The following ZNF205 variants were observed in gnomAD, a reference collection of about 807,000 sequenced individuals.
The protein encoded by ZNF205 is transcriptional repressor RHIT.
Under a neutral mutation model 53.6 loss-of-function variants are expected in ZNF205, and 32 were observed. The observed-to-expected ratio is 0.60, with a 90% confidence interval of 0.45 to 0.80. ZNF205 has a LOEUF of 0.80. Ranked by LOEUF, ZNF205 falls within the 30% of genes least tolerant of loss-of-function variation. ZNF205 has a pLI of 0.00. For missense variants in ZNF205, 836 were observed against 782.4 expected (o/e 1.07, Z -0.82); for synonymous variants, 382 against 334.3 (o/e 1.14, Z -1.56).
rs867488480 is a variant in ZNF205 at position 3,115,401 on chromosome 16, G to A, written c.104G>A (p.Gly35Glu). The A allele has an allele frequency of 5.0e-6, 8 of 1,609,770 alleles. No homozygotes were observed. In the Middle Eastern group the frequency reaches 4.9e-4, roughly 100 times the overall value. ...CATCAGGAAATGCCTTCTAAGCTGGGGGAGGCGGTACCTTCAGGGGACACT... is the reference window on the plus strand; with the variant it reads ...CATCAGGAAATGCCTTCTAAGCTGGAGGAGGCGGTACCTTCAGGGGACACT... ...HPHQEMPSKL[G>E]EAVPSGDTQE... The change falls in exon 3 of 7, where the codon GGG becomes GAG. Residue 35 changes from glycine (G) to glutamate (E), a missense_variant. Gly to Glu is a moderately conservative substitution (Grantham distance 98). Transcript: ENST00000219091.
Position 3,115,584 on chromosome 16 carries a change from G to A in ZNF205, c.271+16G>A, listed in dbSNP as rs751302854. 43 of 1,573,824 alleles carry A rather than the reference G, an allele frequency of 2.7e-5. 1 individual carries two copies. Among genetic ancestry groups the A allele is most frequent in the Non-Finnish European group, 3.5e-5 (41 of 1,164,218 alleles). ...CCTGGCGGAGGTAGGAGAGGGACGG[G>A]GAAGAGGCGCTTTCCCAGGGAGGCA... On this transcript the variant is annotated intron_variant, in intron 3 of 6. Coordinates refer to ENST00000219091, the MANE Select transcript of ZNF205 (RefSeq NM_001042428.2).
At position 3,119,640 on chromosome 16, in the gene ZNF205, G is replaced by GGC; in HGVS notation, c.983_984dup (p.Thr329AlafsTer52). ...TGGCACTCGCACCTGGTGACGCACCGGCGCACGCACACGGGCGAGAAGCCC... is the reference window on the plus strand; with the variant it reads ...TGGCACTCGCACCTGGTGACGCACCGGCGCGCACGCACACGGGCGAGAAGCCC... On this transcript the variant is annotated frameshift_variant, in exon 7 of 7. Coordinates refer to ENST00000219091, the MANE Select transcript of ZNF205 (RefSeq NM_001042428.2). LOFTEE classifies it high-confidence loss of function. 1 of 1,611,612 alleles carries GGC rather than the reference G, an allele frequency of 6.2e-7. No homozygotes were observed. The highest frequency in any genetic ancestry group is 8.5e-7 in the Non-Finnish European group (1 of 1,179,294).
At position 3,120,256 on chromosome 16, in the gene ZNF205, C is replaced by T. The variant is rs1157968765; in HGVS notation, c.1596C>T (p.Ala532=). Residue 532 remains alanine (A), a synonymous_variant, in exon 7 of 7, where the codon GCC becomes GCT. Coordinates refer to ENST00000219091, the MANE Select transcript of ZNF205 (RefSeq NM_001042428.2). ...AGATCCACACCACCGGGCCCAAGGCCCTGGCCATGCTGATGCTGGGGGCGG... is the reference window on the plus strand; with the variant it reads ...AGATCCACACCACCGGGCCCAAGGCTCTGGCCATGCTGATGCTGGGGGCGG... ...HEKIHTTGPK[A]LAMLMLGAAA... 2 of 1,604,872 alleles carry T rather than the reference C, an allele frequency of 1.2e-6. No individual in the cohort carries two copies. Among genetic ancestry groups the T allele is most frequent in the Admixed American group, 1.7e-5 (1 of 59,930 alleles).
chr16:3,113,263 C>A (rs1215564753), intron 1 of ZNF205, 154 bp from the exon 2 acceptor site: 2 of 649,908 alleles, frequency 3.1e-6, no homozygotes, highest in Non-Finnish European at 5.5e-6. Context: ...CCGATTGGGA[C>A]CAGGGAGCGC....
intron 2 of ZNF205, chr16:3,114,955 A>G (rs1957319506): frequency 6.3e-6 from 1 of 158,964 alleles, no homozygotes; most frequent in Non-Finnish European, 1.4e-5. Context: ...TAATCTCAAG[A>G]TCTTTAACTT....
chr16:3,118,226 G>A (rs1369156120), intron 5 of ZNF205, among the ~76,000 whole-genome samples: 1 of 151,782 alleles, frequency 6.6e-6, no homozygotes, highest in East Asian at 1.9e-4. Context: ...TGGCATCATG[G>A]TGGTCCCAAG....
Position 3,120,356 on chromosome 16 carries a change from G to C in ZNF205, c.*31G>C. On this transcript the variant is annotated 3_prime_UTR_variant, in exon 7 of 7. Coordinates refer to ENST00000219091, the MANE Select transcript of ZNF205 (RefSeq NM_001042428.2). ...CAGGAAAGGGGGAGCGGGGCGCCCA[G>C]GGCCACTGGAACAGCCCCACTGGAG... is the stretch of plus-strand genomic sequence containing the variant. The C allele has an allele frequency of 6.8e-7, 1 of 1,470,916 alleles. No individual in the cohort carries two copies. The highest frequency in any genetic ancestry group is 8.9e-7 in the Non-Finnish European group (1 of 1,120,274). 91.1% of individuals were successfully genotyped at this position (1,470,916 alleles called of 1,614,324 possible). A position where few individuals can be genotyped will look rare whatever the true frequency, so the allele number is the denominator to read the frequency against.
chr16:3,120,263 A>G lies in ZNF205; in HGVS notation c.1603A>G (p.Met535Val), dbSNP rs1957410339. The G allele has an allele frequency of 4.4e-6, 7 of 1,603,328 alleles. No homozygotes were observed. The highest frequency in any genetic ancestry group is 1.3e-5 in the African/African-American group (1 of 74,884). The change falls in exon 7 of 7, where the codon ATG becomes GTG. Residue 535 changes from methionine to valine, a missense_variant. Coordinates refer to ENST00000219091, the MANE Select transcript of ZNF205 (RefSeq NM_001042428.2). ...IHTTGPKALA[M>V]LMLGAAAAGA... The stretch of plus-strand genomic sequence containing the variant: ...CACCACCGGGCCCAAGGCCCTGGCC[A>G]TGCTGATGCTGGGGGCGGCGGCGGC...
intron 5 of ZNF205, 83 bp downstream of exon 5, chr16:3,116,630 C>G (rs1005037884): frequency 2.0e-5 from 31 of 1,520,354 alleles, no homozygotes; most frequent in Non-Finnish European, 2.8e-5. Context: ...TTCCCTCCCT[C>G]TCTCTCCCAC....
chr16:3,119,367 C>G lies in ZNF205; in HGVS notation c.707C>G (p.Ala236Gly), dbSNP rs1401134840. Residue 236 changes from alanine to glycine, a missense_variant, in exon 7 of 7, where the codon GCG (alanine) becomes GGG (glycine). Physicochemically the swap from Ala to Gly is moderately conservative, Grantham distance 60. Transcript: ENST00000219091. The part of the protein sequence containing the change: ...GRVQWGVPQC[A>G]QEAACGRSSG... Reference sequence around the variant, plus strand: ...GTCCAGTGGGGCGTCCCGCAGTGCGCGCAGGAAGCAGCCTGCGGCCGGAGC... The same window carrying G: ...GTCCAGTGGGGCGTCCCGCAGTGCGGGCAGGAAGCAGCCTGCGGCCGGAGC... The G allele has an allele frequency of 6.2e-7, 1 of 1,612,536 alleles. No homozygotes were observed. Among genetic ancestry groups the G allele is most frequent in the South Asian group, 1.1e-5 (1 of 91,060 alleles).
At position 3,120,054 on chromosome 16, in the gene ZNF205, C is replaced by T. The variant is rs746491530; in HGVS notation, c.1394C>T (p.Ala465Val). ...TTCAGCCAGCGTTCCAACCTCATCG[C>T]GCACAACCGCACACACACAGGCGAG... ...KCFSQRSNLI[A>V]HNRTHTGEKP... The change falls in exon 7 of 7, where the codon GCG becomes GTG. Residue 465 changes from alanine to valine, a missense_variant. Physicochemically the swap from Ala to Val is moderately conservative, Grantham distance 64. Coordinates refer to ENST00000219091, the MANE Select transcript of ZNF205 (RefSeq NM_001042428.2). 3 of 1,612,926 alleles carry T rather than the reference C, an allele frequency of 1.9e-6. No individual in the cohort carries two copies. The highest frequency in any genetic ancestry group is 2.2e-5 in the East Asian group (1 of 44,792).
At chr16:3,117,185 G>A (rs191164121) in intron 5 of ZNF205, among the ~76,000 whole-genome samples, 7 of 152,310 alleles carry the variant, frequency 4.6e-5, no homozygotes, top group Admixed American at 1.3e-4. Flanking sequence ...CAGGAAGTCC[G>A]CTTTTCCTGG....
At chr16:3,116,572 C>G (rs751054387) in intron 5 of ZNF205, 25 bp downstream of exon 5, 2 of 1,609,828 alleles carry the variant, frequency 1.2e-6, no homozygotes, top group Non-Finnish European at 1.7e-6. Context: ...GGAGGGGGGA[C>G]TGGGGTGTTA....
chr16:3,114,592 T>C (rs1224000479), intron 2 of ZNF205, among the ~76,000 whole-genome samples: 1 of 152,210 alleles, frequency 6.6e-6, no homozygotes, highest in African/African-American at 2.4e-5. Flanking sequence ...GCTTTTGAGC[T>C]ATGTGGTCAC....
Position 3,119,411 on chromosome 16 carries a change from T to A in ZNF205, c.751T>A (p.Ser251Thr), listed in dbSNP as rs1202970577. The change falls in exon 7 of 7, where the codon TCC (serine) becomes ACC (threonine). Residue 251 changes from serine (S) to threonine (T), a missense_variant. Physicochemically the swap from Ser to Thr is moderately conservative, Grantham distance 58. Coordinates refer to ENST00000219091, the MANE Select transcript of ZNF205 (RefSeq NM_001042428.2). The stretch of plus-strand genomic sequence containing the variant: ...CCGGAGCTCAGGGCCGGCCAAAGAC[T>A]CCGGGCAGCCGGCTGAGCCAGATCG... ...CGRSSGPAKD[S>T]GQPAEPDRTP... The A allele has an allele frequency of 6.2e-7, 1 of 1,607,628 alleles. No individual in the cohort carries two copies. Among genetic ancestry groups the A allele is most frequent in the African/African-American group, 1.3e-5 (1 of 74,690 alleles).
chr16:3,113,946 G>C (rs1414101613), intron 2 of ZNF205, among the ~76,000 whole-genome samples: 1 of 152,040 alleles, frequency 6.6e-6, no homozygotes, highest in Non-Finnish European at 1.5e-5. Context: ...TCCGGGCTTG[G>C]AGTTGGAGGA....
Position 3,120,381 on chromosome 16 carries a change from G to C in ZNF205, c.*56G>C. Reference sequence around the variant, plus strand: ...GGGCCACTGGAACAGCCCCACTGGAGTCAAGGCTCCGAGGGAGGAGAGAGG... The same window carrying C: ...GGGCCACTGGAACAGCCCCACTGGACTCAAGGCTCCGAGGGAGGAGAGAGG... On this transcript the variant is annotated 3_prime_UTR_variant, in exon 7 of 7. Transcript: ENST00000219091. 1 of 1,445,128 alleles carries C rather than the reference G, an allele frequency of 6.9e-7. No homozygotes were observed. The highest frequency in any genetic ancestry group is 9.1e-7 in the Non-Finnish European group (1 of 1,104,630). The allele number at this position is 1,445,128 out of a possible 1,614,324, so 89.5% of individuals were successfully genotyped here.
At position 3,115,581 on chromosome 16, in the gene ZNF205, CG is replaced by C. The variant is rs1343793313; in HGVS notation, c.271+17del. On this transcript the variant is annotated intron_variant, in intron 3 of 6. Transcript: ENST00000219091. ...CTGCCTGGCGGAGGTAGGAGAGGGA[CG>C]GGGAAGAGGCGCTTTCCCAGGGAGG... The C allele has an allele frequency of 1.9e-6, 3 of 1,578,132 alleles. No individual in the cohort carries two copies. Among genetic ancestry groups the C allele is most frequent in the African/African-American group, 1.4e-5 (1 of 72,800 alleles).
chr16:3,116,042 C>T (rs577656520), intron 4 of ZNF205, 122 bp downstream of exon 4: 1 of 1,097,366 alleles, frequency 9.1e-7, no homozygotes, highest in South Asian at 1.4e-5. Flanking sequence ...GGGGCTCTTG[C>T]TAGTGTTGCT....
Sources: allele counts gnomAD v4.1 joint callset (sites outside exome capture counted in the v4.1 genomes callset), GRCh38; gene constraint gnomAD v4.1.1; transcripts MANE v1.5; gene names NCBI Gene and HGNC (gene_info 2026-07-23, HGNC 2026-07-21).